PDXK: variants seen among roughly 807,000 people sequenced by gnomAD.
The protein encoded by PDXK is epididymis secretory sperm binding protein Li 1a.
Under a neutral mutation model 43.2 loss-of-function variants are expected in PDXK, and 15 were observed. The observed-to-expected ratio is 0.35, with a 90% CI of 0.23 to 0.53. The LOEUF (loss-of-function observed/expected upper bound fraction) is 0.53, where lower values mean the gene tolerates loss of function less well. Among genes scored for constraint, PDXK ranks in the 20% least tolerant of loss-of-function variants. The pLI is 0.92. For synonymous variants in PDXK, 172 were observed against 165.4 expected (o/e 1.04, Z -0.31); for missense variants, 343 against 417.0 (o/e 0.82, Z 1.54).
chr21:43,732,259 T>C lies in PDXK; in HGVS notation c.88-1810T>C. The C allele has an allele frequency of 1.3e-6, 2 of 1,499,048 alleles. No individual in the cohort carries two copies. The highest frequency in any genetic ancestry group is 4.8e-5 in the East Asian group (2 of 41,852). 92.9% of individuals were successfully genotyped at this position (1,499,048 alleles called of 1,614,324 possible). On this transcript the variant is annotated intron_variant, in intron 1 of 10. Transcript: ENST00000291565. The surrounding 1 kb of genome is among the most constrained non-coding windows in gnomAD (Gnocchi z 4.1). ...AGCGCTGGCTTCCAGCTGAAGGACA[T>C]GTGTAACAGCAGGAGATACCTTTCT...
In PDXK at chr21:43,737,711, G is replaced by T. The variant is rs866049328; in HGVS notation, c.142+3588G>T. ...CGGACACCAGCGAGGGGCCAGGCCGGGCCAGGAGCCTGCCGACGGACACCA... is the reference window on the plus strand; with the variant it reads ...CGGACACCAGCGAGGGGCCAGGCCGTGCCAGGAGCCTGCCGACGGACACCA... On this transcript the variant is annotated intron_variant, in intron 2 of 10. Transcript: ENST00000291565. This position sits in a 1 kb window ranked among gnomAD's most constrained non-coding sequence, Gnocchi z 4.8. 111 of 983,430 alleles carry T rather than the reference G, an allele frequency of 1.1e-4. 1 individual carries two copies. The African/African-American group carries it at 1.7e-3, about 15-fold the overall frequency. The allele number at this position is 983,430 out of a possible 1,614,324, so 60.9% of individuals were successfully genotyped here. A position where few individuals can be genotyped will look rare whatever the true frequency, so the allele number is the denominator to read the frequency against.
intron 7 of PDXK, among the ~76,000 whole-genome samples, chr21:43,751,202 T>C (rs1364421273): frequency 6.6e-6 from 1 of 152,208 alleles, no homozygotes; most frequent in Non-Finnish European, 1.5e-5. Context: ...TGAGTCATCT[T>C]AGTCTGTTGG....
chr21:43,737,993 G>T lies in PDXK; in HGVS notation c.143-3674G>T. The stretch of plus-strand genomic sequence containing the variant: ...GCCCTCTGTTTCGATAGGAAGCTGG[G>T]CCTCAGAGGGGCCTGGGGCCTGTGT... On this transcript the variant is annotated intron_variant, in intron 2 of 10. Transcript: ENST00000291565. The surrounding 1 kb of genome is among the most constrained non-coding windows in gnomAD (Gnocchi z 4.8). 1 of 985,500 alleles carries T rather than the reference G, an allele frequency of 1.0e-6. No homozygotes were observed. Among genetic ancestry groups the T allele is most frequent in the Non-Finnish European group, 1.2e-6 (1 of 829,976 alleles). 61.0% of individuals were successfully genotyped at this position (985,500 alleles called of 1,614,324 possible).
intron 6 of PDXK, among the ~76,000 whole-genome samples, chr21:43,749,293 C>T (rs559351287): frequency 2.2e-4 from 33 of 152,222 alleles, no homozygotes; most frequent in Non-Finnish European, 4.4e-4. Context: ...TTAGTAGTGA[C>T]GGGGTTTCAC....
intron 7 of PDXK, 41 bp from the exon 8 acceptor site, chr21:43,752,474 GACA>G: frequency 7.4e-7 from 1 of 1,350,976 alleles, no homozygotes; most frequent in Non-Finnish European, 1.0e-6. Flanking sequence ...AGCCGTGGCT[GACA>G]TGTGACCGGC....
chr21:43,725,150 C>T (rs1171524187), intron 1 of PDXK, among the ~76,000 whole-genome samples: 5 of 151,988 alleles, frequency 3.3e-5, no homozygotes, highest in African/African-American at 1.2e-4. Flanking sequence ...GGTAAAACCC[C>T]GTCTCTACTA....
intron 1 of PDXK, 30 bp downstream of exon 1, chr21:43,719,411 G>A (rs1289747713): frequency 6.6e-7 from 1 of 1,508,008 alleles, no homozygotes; most frequent in Non-Finnish European, 8.9e-7. Flanking sequence ...CCGGGCTTAC[G>A]TAACCCGAGC....
At chr21:43,727,067 T>G (rs1017220408) in intron 1 of PDXK, among the ~76,000 whole-genome samples, 1 of 152,158 alleles carries the variant, frequency 6.6e-6, no homozygotes, top group Non-Finnish European at 1.5e-5. Context: ...AGTGACTTCC[T>G]TCCTAGGAGG....
chr21:43,743,543 C>T (rs2083582309), intron 3 of PDXK, 181 bp from the exon 4 acceptor site: 1 of 477,342 alleles, frequency 2.1e-6, no homozygotes, highest in East Asian at 4.0e-5. Context: ...GTGGGGACAC[C>T]TCGCCTGCAC....
chr21:43,737,124 T>G lies in PDXK; in HGVS notation c.142+3001T>G, dbSNP rs775522693. On this transcript the variant is annotated intron_variant, in intron 2 of 10. Coordinates refer to ENST00000291565, the MANE Select transcript of PDXK (RefSeq NM_003681.5). The surrounding 1 kb of genome is among the most constrained non-coding windows in gnomAD (Gnocchi z 4.8). ...CTGCCCAGGGTTGTTACTGGGGTGG[T>G]CACGTGGGCAGCTTCTGCCTGGGAT... The G allele has an allele frequency of 3.0e-5, 36 of 1,206,118 alleles. No individual in the cohort carries two copies. In the East Asian group the frequency reaches 7.7e-4, roughly 26 times the overall value. 74.7% of individuals were successfully genotyped at this position (1,206,118 alleles called of 1,614,324 possible).
Position 43,737,175 on chromosome 21 carries a change from G to C in PDXK, c.142+3052G>C, listed in dbSNP as rs1429025699. ...GGGCCACAAAGCCAGACTCCCGGCAGGGACACGGGTGTTCCACACAAGCTG... is the reference window on the plus strand; with the variant it reads ...GGGCCACAAAGCCAGACTCCCGGCACGGACACGGGTGTTCCACACAAGCTG... On this transcript the variant is annotated intron_variant, in intron 2 of 10. Transcript: ENST00000291565. The surrounding 1 kb of genome is among the most constrained non-coding windows in gnomAD (Gnocchi z 4.8). 6.9e-7 allele frequency: 1 copy of C among 1,452,854 alleles called. No individual in the cohort carries two copies. Among genetic ancestry groups the C allele is most frequent in the Non-Finnish European group, 9.1e-7 (1 of 1,101,554 alleles). 90.0% of individuals were successfully genotyped at this position (1,452,854 alleles called of 1,614,324 possible).
rs887675343 is a variant in PDXK, at chr21:43,761,034, A to G, written c.*4971A>G. ...GAGTAAGTTTAGATGACTGGTCAATATCTTAAAAATGTATATTAGTAAGAA... is the reference window on the plus strand; with the variant it reads ...GAGTAAGTTTAGATGACTGGTCAATGTCTTAAAAATGTATATTAGTAAGAA... On this transcript the variant is annotated 3_prime_UTR_variant, in exon 11 of 11. Transcript: ENST00000291565. 2.6e-5 allele frequency: 4 copies of G among 152,206 alleles called. No individual in the cohort carries two copies. Among genetic ancestry groups the G allele is most frequent in the Admixed American group, 2.0e-4 (3 of 15,290 alleles). 9.4% of individuals were successfully genotyped at this position (152,206 alleles called of 1,614,324 possible).
At chr21:43,722,513 C>T (rs1264305218) in intron 1 of PDXK, among the ~76,000 whole-genome samples, 2 of 152,320 alleles carry the variant, frequency 1.3e-5, no homozygotes, top group Admixed American at 6.5e-5. Context: ...GGAGTTTGCC[C>T]GGACTGCCAA....
rs2083870227 is a variant in PDXK, at chr21:43,757,520, C to T, written c.*1457C>T. 6.6e-6 allele frequency: 1 copy of T among 152,270 alleles called. No individual in the cohort carries two copies. The highest frequency in any genetic ancestry group is 2.4e-5 in the African/African-American group (1 of 41,470). 9.4% of individuals were successfully genotyped at this position (152,270 alleles called of 1,614,324 possible). Reference sequence around the variant, plus strand: ...CCCATACCCTCCTGTGAGGCCATTCCAGTGTCTTCTAGAAAGACTCGCTTG... The same window carrying T: ...CCCATACCCTCCTGTGAGGCCATTCTAGTGTCTTCTAGAAAGACTCGCTTG... On this transcript the variant is annotated 3_prime_UTR_variant, in exon 11 of 11. Transcript: ENST00000291565.
In PDXK at chr21:43,737,313, T is replaced by A; in HGVS notation, c.142+3190T>A. 7.3e-7 allele frequency: 1 copy of A among 1,375,654 alleles called. No individual in the cohort carries two copies. The highest frequency in any genetic ancestry group is 9.4e-7 in the Non-Finnish European group (1 of 1,065,500). The allele number at this position is 1,375,654 out of a possible 1,614,324, so 85.2% of individuals were successfully genotyped here. On this transcript the variant is annotated intron_variant, in intron 2 of 10. Coordinates refer to ENST00000291565, the MANE Select transcript of PDXK (RefSeq NM_003681.5). This position sits in a 1 kb window ranked among gnomAD's most constrained non-coding sequence, Gnocchi z 4.8. ...GCCGCCTCGAGGCTGCTGCTCGCAC[T>A]TCTGCCCCTTCCCCCGGCCAGGCCC...
At chr21:43,743,545 C>T (rs867205024) in intron 3 of PDXK, 179 bp from the exon 4 acceptor site, 2 of 457,468 alleles carry the variant, frequency 4.4e-6, no homozygotes, top group Non-Finnish European at 8.1e-6. Context: ...GGGGACACCT[C>T]GCCTGCACCC....
chr21:43,751,941 C>T (rs1262151415), intron 7 of PDXK, among the ~76,000 whole-genome samples: 1 of 152,184 alleles, frequency 6.6e-6, no homozygotes, highest in African/African-American at 2.4e-5. Flanking sequence ...TCTTCACAAC[C>T]CAGGAGCCTG....
In PDXK at chr21:43,732,740, T is replaced by G. The variant is rs2083336779; in HGVS notation, c.88-1329T>G. On this transcript the variant is annotated intron_variant, in intron 1 of 10. Coordinates refer to ENST00000291565, the MANE Select transcript of PDXK (RefSeq NM_003681.5). This position sits in a 1 kb window ranked among gnomAD's most constrained non-coding sequence, Gnocchi z 4.1. Reference sequence around the variant, plus strand: ...TACATTTGCAAAGTGCCCATTTTATTTTTTATTTTTATTTTTATGTTTTTT... The same window carrying G: ...TACATTTGCAAAGTGCCCATTTTATGTTTTATTTTTATTTTTATGTTTTTT... The G allele has an allele frequency of 1.5e-6, 1 of 663,802 alleles. No homozygotes were observed. The highest frequency in any genetic ancestry group is 1.8e-5 in the African/African-American group (1 of 54,688). 41.1% of individuals were successfully genotyped at this position (663,802 alleles called of 1,614,324 possible). A position where few individuals can be genotyped will look rare whatever the true frequency, so the allele number is the denominator to read the frequency against.
At chr21:43,727,409 C>T (rs1211172341) in intron 1 of PDXK, among the ~76,000 whole-genome samples, 1 of 152,214 alleles carries the variant, frequency 6.6e-6, no homozygotes, top group East Asian at 1.9e-4. Flanking sequence ...CCATCTATTC[C>T]CCGGCTCTGC....
Sources: allele counts gnomAD v4.1 joint callset (sites outside exome capture counted in the v4.1 genomes callset), GRCh38; gene constraint gnomAD v4.1.1; non-coding constraint Gnocchi (gnomAD v3.1); transcripts MANE v1.5; gene names NCBI Gene and HGNC (gene_info 2026-07-23, HGNC 2026-07-21).